The following HMCN2 variants were observed in gnomAD, a reference collection of about 807,000 sequenced individuals.
HMCN2 encodes hemicentin 2, also known as hemicentin-2.
Under a neutral mutation model 377.5 loss-of-function variants are expected in HMCN2, and 325 were observed. That is an observed-to-expected ratio of 0.86 (90% confidence interval 0.79 to 0.94). The LOEUF is 0.94. HMCN2 is among the 40% of genes least tolerant of loss of function. The pLI is 0.00. For synonymous variants in HMCN2, 2,007 were observed against 2,046.8 expected (o/e 0.98, Z 0.53); for missense variants, 4,543 against 4,725.3 (o/e 0.96, Z 1.13).
At chr9:130,396,097 C>A in intron 72 of HMCN2, 32 bp downstream of exon 72, 1 of 1,237,052 alleles carries the variant, frequency 8.1e-7, no homozygotes, top group South Asian at 1.4e-5. Context: ...CCACCCTGCC[C>A]ACCTTACCCC....
rs559483055 is a variant in HMCN2 at position 130,309,935 on chromosome 9, C to G, written c.2224C>G (p.Pro742Ala). 9.0e-5 allele frequency: 47 copies of G among 519,928 alleles called. 1 individual carries two copies. Among genetic ancestry groups the G allele is most frequent in the South Asian group, 6.4e-4 (44 of 69,028 alleles). 32.2% of individuals were successfully genotyped at this position (519,928 alleles called of 1,614,324 possible). Residue 742 changes from proline to alanine, a missense_variant, in exon 15 of 98, where the codon CCT becomes GCT. Around this residue, in one of 5 missense-constraint regions of HMCN2, gnomAD observed 547 missense variants for 189.9 expected, o/e 2.88. Transcript: ENST00000683500. Reference sequence around the variant, plus strand: ...AGGGGGTCTTGAAATGATCCTGGCCCCTGAGGGCTCCAGCTCTGGGAAGCT... The same window carrying G: ...AGGGGGTCTTGAAATGATCCTGGCCGCTGAGGGCTCCAGCTCTGGGAAGCT... The part of the protein sequence containing the change: ...YRGGLEMILA[P>A]EGSSSGKLRI...
At chr9:130,330,778 TTC>T (rs1230614486) in intron 22 of HMCN2, among the ~76,000 whole-genome samples, 6 of 152,258 alleles carry the variant, frequency 3.9e-5, no homozygotes, top group African/African-American at 1.4e-4. Context: ...CGGATTCCTT[TTC>T]TCTTTTACCC....
intron 83 of HMCN2, among the ~76,000 whole-genome samples, chr9:130,408,364 T>C (rs1843218555): frequency 6.6e-6 from 1 of 152,194 alleles, no homozygotes; most frequent in African/African-American, 2.4e-5. Context: ...TTTATAGTTA[T>C]TGATTTCCAA....
rs1027686691 is a variant in HMCN2 at position 130,283,964 on chromosome 9, C to T, written c.260-639C>T. Reference sequence around the variant, plus strand: ...GAATGGCTGGACCCCATGGTAGGTGCATGTGTAACGTTTTAGAAACTTCCA... The same window carrying T: ...GAATGGCTGGACCCCATGGTAGGTGTATGTGTAACGTTTTAGAAACTTCCA... On this transcript the variant is annotated intron_variant, in intron 1 of 97. Coordinates refer to ENST00000683500, the MANE Select transcript of HMCN2 (RefSeq NM_001291815.2). Among the ~76,000 whole-genome samples, 19 of 152,332 alleles carry T rather than the reference C, an allele frequency of 1.2e-4. 1 individual carries two copies. Among genetic ancestry groups the T allele is most frequent in the African/African-American group, 4.6e-4 (19 of 41,568 alleles).
chr9:130,280,413 C>T (rs1454862264), intron 1 of HMCN2, among the ~76,000 whole-genome samples: 3 of 151,418 alleles, frequency 2.0e-5, no homozygotes, highest in Non-Finnish European at 4.4e-5. Context: ...ACCTTGTGAT[C>T]CTCCCGCCTC....
chr9:130,270,099 C>T (rs2131211383), intron 1 of HMCN2, among the ~76,000 whole-genome samples: 1 of 148,124 alleles, frequency 6.8e-6, no homozygotes, highest in Admixed American at 6.7e-5. Context: ...GCATGAGCTA[C>T]CATGCCTGGC....
Position 130,424,821 on chromosome 9 carries a change from G to A in HMCN2, c.13427G>A (p.Trp4476Ter), listed in dbSNP as rs1844231843. Residue 4476 changes from tryptophan (W) to a stop codon, truncating the protein, a stop_gained, in exon 88 of 98, where the codon TGG (tryptophan) becomes TAG (stop). Coordinates refer to ENST00000683500, the MANE Select transcript of HMCN2 (RefSeq NM_001291815.2). LOFTEE classifies it high-confidence loss of function. ...GTGGTCACCATCGCCCCCATCTACT[G>A]GGCCCTGGCCAGAGAGAGTGGGGAA... ...VLVVTIAPIY[W>*]ALARESGEAL... 2 of 1,532,048 alleles carry A rather than the reference G, an allele frequency of 1.3e-6. No homozygotes were observed. Among genetic ancestry groups the A allele is most frequent in the East Asian group, 4.9e-5 (2 of 40,516 alleles). The allele number at this position is 1,532,048 out of a possible 1,614,324, so 94.9% of individuals were successfully genotyped here.
At chr9:130,424,361 T>G (rs1844204660) in intron 87 of HMCN2, among the ~76,000 whole-genome samples, 1 of 141,706 alleles carries the variant, frequency 7.1e-6, no homozygotes, top group Admixed American at 7.1e-5. Flanking sequence ...TTTTTTTTTG[T>G]ATTTTTAGTA....
chr9:130,358,306 G>T (rs951998509), intron 35 of HMCN2, 84 bp from the exon 36 acceptor site: 121 of 1,294,254 alleles, frequency 9.3e-5, no homozygotes, highest in Admixed American at 4.9e-4. Context: ...CCTGCCCCCG[G>T]GCTCGGCAGC....
chr9:130,397,666 T>C lies in HMCN2; in HGVS notation c.11326+11T>C. 1 of 1,289,614 alleles carries C rather than the reference T, an allele frequency of 7.8e-7. No individual in the cohort carries two copies. Among genetic ancestry groups the C allele is most frequent in the Non-Finnish European group, 1.0e-6 (1 of 988,772 alleles). The allele number at this position is 1,289,614 out of a possible 1,614,324, so 79.9% of individuals were successfully genotyped here. A position where few individuals can be genotyped will look rare whatever the true frequency, so the allele number is the denominator to read the frequency against. On this transcript the variant is annotated intron_variant, in intron 74 of 97. Coordinates refer to ENST00000683500, the MANE Select transcript of HMCN2 (RefSeq NM_001291815.2). ...ACCTACGGGTCTTGGGTAGGTGGCC[T>C]GGGGAAGGCCTTCAGTGTCCAGTCC...
At chr9:130,354,370 A>G (rs1237309454) in intron 31 of HMCN2, among the ~76,000 whole-genome samples, 1 of 152,140 alleles carries the variant, frequency 6.6e-6, no homozygotes, top group African/African-American at 2.4e-5. Context: ...CTGCCTCCTG[A>G]GACCAGGGAG....
Position 130,396,186 on chromosome 9 carries a change from T to C in HMCN2, c.11071T>C (p.Ser3691Pro). ...VEIHTVPTIRSGPPAVNVSVN... is the reference protein window; with the variant it reads ...VEIHTVPTIRPGPPAVNVSVN... ...CTCCCCAGCGGTGCCCACCATCCGG[T>C]CAGGACCACCTGCAGTGAACGTCTC... Residue 3691 changes from serine to proline, a missense_variant, in exon 73 of 98, where the codon TCA (serine) becomes CCA (proline). Transcript: ENST00000683500. The C allele has an allele frequency of 7.8e-7, 1 of 1,275,526 alleles. No homozygotes were observed. Among genetic ancestry groups the C allele is most frequent in the African/African-American group, 1.5e-5 (1 of 64,766 alleles). 79.0% of individuals were successfully genotyped at this position (1,275,526 alleles called of 1,614,324 possible).
At position 130,394,505 on chromosome 9, in the gene HMCN2, AC is replaced by A; in HGVS notation, c.10623del (p.Asp3541GlufsTer5). 7.8e-7 allele frequency: 1 copy of A among 1,289,776 alleles called. No homozygotes were observed. Among genetic ancestry groups the A allele is most frequent in the Non-Finnish European group, 1.0e-6 (1 of 988,852 alleles). The allele number at this position is 1,289,776 out of a possible 1,614,324, so 79.9% of individuals were successfully genotyped here. A position where few individuals can be genotyped will look rare whatever the true frequency, so the allele number is the denominator to read the frequency against. On this transcript the variant is annotated frameshift_variant, in exon 69 of 98. Transcript: ENST00000683500. LOFTEE classifies it high-confidence loss of function. The surrounding 1 kb of genome is among the most constrained non-coding windows in gnomAD (Gnocchi z 5.1). ...TPQPNITWHKDGQALTRLENN... is the reference protein window; with the variant it reads ...TPQPNITWHKXGQALTRLENN... Reference sequence around the variant, plus strand: ...CAGCCCAACATCACCTGGCATAAGGACGGGCAGGCCCTGACCAGGCTGGAGA... The same window carrying A: ...CAGCCCAACATCACCTGGCATAAGGAGGGCAGGCCCTGACCAGGCTGGAGA...
Position 130,423,771 on chromosome 9 carries a change from G to A in HMCN2, c.13382-1005G>A, listed in dbSNP as rs1467826407. On this transcript the variant is annotated intron_variant, in intron 87 of 97. Coordinates refer to ENST00000683500, the MANE Select transcript of HMCN2 (RefSeq NM_001291815.2). The surrounding 1 kb of genome is among the most constrained non-coding windows in gnomAD (Gnocchi z 5.5). ...AAGAAGATCTGAGAATCCACGTCCA[G>A]GGCCATTTTTTGGTTCTTTTTTCAA... Among the ~76,000 whole-genome samples the A allele has an allele frequency of 6.6e-6, 1 of 152,194 alleles. No individual in the cohort carries two copies. The highest frequency in any genetic ancestry group is 2.4e-5 in the African/African-American group (1 of 41,442).
At chr9:130,302,687 T>C (rs1588205076) in intron 8 of HMCN2, among the ~76,000 whole-genome samples, 170 bp from the exon 9 acceptor site, 1 of 152,280 alleles carries the variant, frequency 6.6e-6, no homozygotes, top group Non-Finnish European at 1.5e-5. Context: ...GATGGTACCA[T>C]GATCACCCCA....
intron 8 of HMCN2, among the ~76,000 whole-genome samples, chr9:130,301,069 G>GA (rs1261781332): frequency 6.6e-6 from 1 of 152,256 alleles, no homozygotes; most frequent in African/African-American, 2.4e-5. Flanking sequence ...GGGAGGGGAA[G>GA]AAGGGCCAGC....
rs1842665583 is a variant in HMCN2, at chr9:130,397,564, G to A, written c.11235G>A (p.Gln3745=). ...EILPEGSLRI[Q]PVLAQDAGHY... ...TGCCTGAGGGTTCCCTGAGAATCCA[G>A]CCAGTCCTTGCCCAGGACGCCGGCC... The change falls in exon 74 of 98, where the codon CAG becomes CAA. Residue 3745 remains glutamine (Q), a synonymous_variant. Coordinates refer to ENST00000683500, the MANE Select transcript of HMCN2 (RefSeq NM_001291815.2). The A allele has an allele frequency of 7.8e-7, 1 of 1,289,718 alleles. No homozygotes were observed. The highest frequency in any genetic ancestry group is 1.0e-6 in the Non-Finnish European group (1 of 988,896). 79.9% of individuals were successfully genotyped at this position (1,289,718 alleles called of 1,614,324 possible). A position where few individuals can be genotyped will look rare whatever the true frequency, so the allele number is the denominator to read the frequency against.
chr9:130,425,106 G>A lies in HMCN2; in HGVS notation c.13617G>A (p.Leu4539=). 1 of 1,549,672 alleles carries A rather than the reference G, an allele frequency of 6.5e-7. No individual in the cohort carries two copies. The highest frequency in any genetic ancestry group is 8.7e-7 in the Non-Finnish European group (1 of 1,146,694). Residue 4539 remains leucine (L), a synonymous_variant, in exon 89 of 98, where the codon CTG becomes CTA. Transcript: ENST00000683500. ...VVVNGVVPES[L]ADADLQVQDF... ...TCAATGGCGTTGTCCCCGAGAGCCT[G>A]GCTGACGCAGATCTTCAAGTGCAGG...
rs1386182373 is a variant in HMCN2 at position 130,433,484 on chromosome 9, G to A, written c.15031G>A (p.Val5011Ile). Residue 5011 changes from valine to isoleucine, a missense_variant, in exon 98 of 98, where the codon GTC (valine) becomes ATC (isoleucine). This residue lies in a region of HMCN2 where 1,155 missense variants were observed against 1,157.7 expected (regional missense o/e 1.00). Transcript: ENST00000683500. ...CCTCACCGCCTTCTCCGAGGTCGGCGTCCCCGCCAACCGCACCGAGCTCAG... is the reference window on the plus strand; with the variant it reads ...CCTCACCGCCTTCTCCGAGGTCGGCATCCCCGCCAACCGCACCGAGCTCAG... ...ARLTAFSEVG[V>I]PANRTELSML... 4 of 1,499,030 alleles carry A rather than the reference G, an allele frequency of 2.7e-6. No homozygotes were observed. The highest frequency in any genetic ancestry group is 3.5e-6 in the Non-Finnish European group (4 of 1,131,938). 92.9% of individuals were successfully genotyped at this position (1,499,030 alleles called of 1,614,324 possible). A position where few individuals can be genotyped will look rare whatever the true frequency, so the allele number is the denominator to read the frequency against.
Sources: gnomAD v4.1 joint callset for allele counts (sites outside exome capture counted in the v4.1 genomes callset) on GRCh38, gnomAD v4.1.1 for gene constraint, gnomAD v4.1.1 regional missense constraint, Gnocchi (gnomAD v3.1) non-coding constraint, MANE v1.5 for transcripts, NCBI Gene and HGNC (gene_info 2026-07-23, HGNC 2026-07-21) for gene names.